The following NRXN3 variants were observed in gnomAD, a reference collection of about 807,000 sequenced individuals.
NRXN3 encodes the protein neurexin 3.
NRXN3 carries 32 observed loss-of-function variants against 137.6 expected under a neutral mutation model. That is an observed-to-expected ratio of 0.23 (90% CI 0.18 to 0.31). The LOEUF (loss-of-function observed/expected upper bound fraction) is 0.31. NRXN3 is among the 10% of genes least tolerant of loss of function. The probability of loss-of-function intolerance (pLI) is 1.00; values close to 1 mark genes in which losing one functional copy is unlikely to be tolerated. For missense variants in NRXN3, 1,574 were observed against 2,062.5 expected (o/e 0.76, Z 4.59); for synonymous variants, 798 against 784.5 (o/e 1.02, Z -0.29).
intron 19 of NRXN3, among the ~76,000 whole-genome samples, chr14:79,753,738 A>T (rs549891197): frequency 6.6e-6 from 1 of 150,958 alleles, no homozygotes; most frequent in South Asian, 2.1e-4. Flanking sequence ...ATAATAATAA[A>T]AAGAAATTTC....
chr14:78,217,535 TA>T (rs2063415659), intron 1 of NRXN3, among the ~76,000 whole-genome samples: 1 of 152,226 alleles, frequency 6.6e-6, no homozygotes, highest in South Asian at 2.1e-4. Context: ...AAGAGAAGAA[TA>T]ATCATGATAT....
intron 15 of NRXN3, among the ~76,000 whole-genome samples, chr14:79,271,459 C>G (rs578251940): frequency 7.6e-6 from 1 of 131,104 alleles, no homozygotes; most frequent in Non-Finnish European, 1.6e-5. Context: ...CCTTCCCTTC[C>G]CTCCCCTCCC....
intron 1 of NRXN3, among the ~76,000 whole-genome samples, chr14:78,204,047 A>G (rs1020845492): frequency 6.6e-6 from 1 of 152,156 alleles, no homozygotes; most frequent in Non-Finnish European, 1.5e-5. Flanking sequence ...AAAGTACTCC[A>G]TTACAGAGAT....
chr14:79,056,299 A>G (rs574378946), intron 15 of NRXN3, among the ~76,000 whole-genome samples: 9 of 152,326 alleles, frequency 5.9e-5, no homozygotes, highest in Admixed American at 5.2e-4. Context: ...CTAATTGGAG[A>G]AAGTCATAGG....
intron 15 of NRXN3, among the ~76,000 whole-genome samples, chr14:79,184,840 G>A (rs2063329391): frequency 6.6e-6 from 1 of 152,122 alleles, no homozygotes; most frequent in African/African-American, 2.4e-5. Context: ...TTTTCCTCTA[G>A]TCTTCTTATT....
chr14:79,234,030 A>G (rs1044375701), intron 15 of NRXN3, among the ~76,000 whole-genome samples: 2 of 151,706 alleles, frequency 1.3e-5, no homozygotes, highest in Non-Finnish European at 2.9e-5. Flanking sequence ...TATAAAGGAA[A>G]TAGCACTTTC....
At position 78,419,961 on chromosome 14, in the gene NRXN3, G is replaced by GCGCACACACACA. The variant is rs1555518606; in HGVS notation, c.757+122102_757+122103insGCACACACACAC. Among the ~76,000 whole-genome samples the GCGCACACACACA allele has an allele frequency of 2.2e-4, 11 of 49,242 alleles. No homozygotes were observed. In the South Asian group the frequency reaches 2.3e-3, roughly 11 times the overall value. The allele number at this position is 49,242 out of a possible 152,430, so 32.3% of individuals were successfully genotyped here. ...CACGTGTGTGCGCGCGCGCGCGCAC[G>GCGCACACACACA]CACACACACACACACACACACACAC... On this transcript the variant is annotated intron_variant, in intron 4 of 20. Transcript: ENST00000335750.
rs78946870 is a variant in NRXN3, at chr14:78,610,913, G to A, written c.758-34207G>A. The stretch of plus-strand genomic sequence containing the variant: ...CCACTGGAATATAGATTGTGTTTTG[G>A]AAATGACTGATTTATCAGGTGGAAG... On this transcript the variant is annotated intron_variant, in intron 4 of 20. Coordinates refer to ENST00000335750, the MANE Select transcript of NRXN3 (RefSeq NM_001330195.2). Among the ~76,000 whole-genome samples the A allele has an allele frequency of 4.3e-3, 655 of 152,302 alleles. 5 individuals carry two copies. The highest frequency in any genetic ancestry group is 0.014 in the African/African-American group (599 of 41,566).
chr14:78,225,981 GTGTGT>G (rs1567013622), intron 1 of NRXN3, among the ~76,000 whole-genome samples: 57 of 125,660 alleles, frequency 4.5e-4, no homozygotes, highest in Middle Eastern at 3.8e-3. Context: ...GTTGGTGTGT[GTGTGT>G]GTGTGTGTGT....
chr14:79,826,690 A>G (rs2099303278), intron 20 of NRXN3, among the ~76,000 whole-genome samples: 1 of 152,160 alleles, frequency 6.6e-6, no homozygotes, highest in African/African-American at 2.4e-5. Context: ...CGTCTGCATA[A>G]TGGGCTTTGG....
intron 20 of NRXN3, among the ~76,000 whole-genome samples, chr14:79,845,588 CAGAG>C (rs112448242): frequency 0.76 from 99,188 of 130,296 alleles, 38,116 homozygotes; most frequent in East Asian, 0.91. Context: ...CCCAGAGAGA[CAGAG>C]AGAGAGAGAG....
intron 15 of NRXN3, among the ~76,000 whole-genome samples, chr14:79,306,127 A>G (rs2086019853): frequency 6.6e-6 from 1 of 152,080 alleles, no homozygotes; most frequent in South Asian, 2.1e-4. Flanking sequence ...AGTGCTGCAG[A>G]GCTTCTCTGT....
chr14:79,704,848 G>T (rs1194208104), intron 19 of NRXN3, among the ~76,000 whole-genome samples: 1 of 152,140 alleles, frequency 6.6e-6, no homozygotes, highest in Non-Finnish European at 1.5e-5. Flanking sequence ...GAACTGCACA[G>T]TTCTAACAAC....
intron 2 of NRXN3, among the ~76,000 whole-genome samples, chr14:78,258,333 A>G (rs1371004575): frequency 1.3e-5 from 2 of 152,130 alleles, no homozygotes; most frequent in African/African-American, 4.8e-5. Context: ...AGAGAGGAGT[A>G]AAAATAGATT....
At chr14:79,142,890 G>A (rs1057231492) in intron 15 of NRXN3, among the ~76,000 whole-genome samples, 23 of 152,140 alleles carry the variant, frequency 1.5e-4, no homozygotes, top group African/African-American at 4.6e-4. Context: ...TAAGTGCAAG[G>A]GAGGAGGCAG....
intron 11 of NRXN3, among the ~76,000 whole-genome samples, chr14:78,962,987 C>T (rs538962213): frequency 4.0e-4 from 61 of 152,242 alleles, no homozygotes; most frequent in Non-Finnish European, 2.2e-4. Flanking sequence ...AATTCCTTTT[C>T]TAATTTGATC....
At chr14:79,545,773 A>G (rs1369634408) in intron 16 of NRXN3, among the ~76,000 whole-genome samples, 4 of 151,630 alleles carry the variant, frequency 2.6e-5, no homozygotes, top group East Asian at 1.9e-4. Context: ...TCTGTGTCCT[A>G]CAGAGACTGT....
At chr14:79,331,589 AC>A (rs931975751) in intron 15 of NRXN3, among the ~76,000 whole-genome samples, 8 of 152,192 alleles carry the variant, frequency 5.3e-5, no homozygotes, top group African/African-American at 1.4e-4. Context: ...ATTATGGGCA[AC>A]CCTGAATCTG....
Position 78,861,616 on chromosome 14 carries a change from G to A in NRXN3, c.2275+51272G>A, listed in dbSNP as rs142193323. Among the ~76,000 whole-genome samples the A allele has an allele frequency of 4.7e-4, 71 of 152,180 alleles. No homozygotes were observed. In the East Asian group the frequency reaches 0.013, roughly 27 times the overall value. On this transcript the variant is annotated intron_variant, in intron 10 of 20. Coordinates refer to ENST00000335750, the MANE Select transcript of NRXN3 (RefSeq NM_001330195.2). ...ACCCTTCTTATTTTATGCTCATGTT[G>A]TAAATAGACATACATGATGCTGTGC...
Sources: allele counts gnomAD v4.1 joint callset (sites outside exome capture counted in the v4.1 genomes callset), GRCh38; gene constraint gnomAD v4.1.1; transcripts MANE v1.5; gene names NCBI Gene and HGNC (gene_info 2026-07-23, HGNC 2026-07-21).